DYNLT2: variants seen among roughly 807,000 people sequenced by gnomAD.
DYNLT2 encodes the protein dynein light chain Tctex-type protein 2.
A neutral mutation model predicts 24.3 loss-of-function variants in DYNLT2; 24 were observed. The observed-to-expected ratio is 0.99, with a 90% CI of 0.71 to 1.39. The LOEUF (loss-of-function observed/expected upper bound fraction) is 1.39. Ranked by LOEUF, DYNLT2 falls within the 40% of genes most tolerant of loss-of-function variation. The pLI, the probability that DYNLT2 is intolerant of heterozygous loss-of-function variation, is 0.00. For missense variants in DYNLT2, 246 were observed against 234.5 expected, an observed-to-expected ratio of 1.05 and a Z score of -0.32; for synonymous variants, 85 against 85.4, an observed-to-expected ratio of 1.00 and a Z score of 0.03.
intron 2 of DYNLT2, among the ~76,000 whole-genome samples, chr6:169,743,684 G>C (rs545705620): frequency 6.6e-6 from 1 of 152,250 alleles, no homozygotes; most frequent in African/African-American, 2.4e-5. Flanking sequence ...CTGCTCAGTG[G>C]GCTCATATTA....
the DYNLT2 span, among the ~76,000 whole-genome samples, chr6:169,733,417 G>T: frequency 1.3e-5 from 2 of 152,000 alleles, no homozygotes; most frequent in Non-Finnish European, 2.9e-5. Context: ...TTATGGTTTT[G>T]GGTTTTACAT....
At chr6:169,730,041 A>G in the DYNLT2 span, among the ~76,000 whole-genome samples, 1 of 152,256 alleles carries the variant, frequency 6.6e-6, no homozygotes, top group South Asian at 2.1e-4. Flanking sequence ...TCTTTATGCA[A>G]TTCCTCACAT....
At chr6:169,743,315 G>A in intron 2 of DYNLT2, 77 bp from the exon 3 acceptor site, 1 of 778,866 alleles carries the variant, frequency 1.3e-6, no homozygotes. Context: ...TAGAAAACAT[G>A]TCTAAATAAT....
Position 169,751,501 on chromosome 6 carries a change from C to T in DYNLT2, c.-43G>A, listed in dbSNP as rs1371020823. 2.5e-6 allele frequency: 4 copies of T among 1,611,148 alleles called. No homozygotes were observed. The highest frequency in any genetic ancestry group is 2.5e-6 in the Non-Finnish European group (3 of 1,178,712). The stretch of plus-strand genomic sequence containing the variant: ...GACGCCCACCGCCTCCCCTTCACCG[C>T]CGGCGGTCAAACGCCCTAGCCAGTC... On this transcript the variant is annotated 5_prime_UTR_variant, in exon 1 of 4. Transcript: ENST00000366774.
At chr6:169,728,086 C>A in the DYNLT2 span, among the ~76,000 whole-genome samples, 1 of 152,090 alleles carries the variant, frequency 6.6e-6, no homozygotes, top group Non-Finnish European at 1.5e-5. Flanking sequence ...GTCAGGTTCT[C>A]AGTCAAGTTT....
chr6:169,725,655 C>CA, the DYNLT2 span: 28 of 201,758 alleles, frequency 1.4e-4, no homozygotes, highest in South Asian at 3.9e-4. Flanking sequence ...AGAAAAAAAA[C>CA]AAAAACAAAA....
the DYNLT2 span, among the ~76,000 whole-genome samples, chr6:169,734,390 T>G: frequency 6.6e-6 from 1 of 152,242 alleles, no homozygotes; most frequent in Admixed American, 6.5e-5. Flanking sequence ...TTCCAGCTTT[T>G]GCCCATTCAA....
At chr6:169,745,034 T>C (rs1245260242) in intron 1 of DYNLT2, among the ~76,000 whole-genome samples, 2 of 152,120 alleles carry the variant, frequency 1.3e-5, no homozygotes, top group Non-Finnish European at 2.9e-5. Flanking sequence ...TTGTTACTAA[T>C]ATTACAGGAA....
intron 1 of DYNLT2, among the ~76,000 whole-genome samples, chr6:169,747,997 A>AT (rs1442271621): frequency 1.3e-5 from 2 of 152,058 alleles, no homozygotes; most frequent in African/African-American, 4.8e-5. Flanking sequence ...CTTGTTCTCT[A>AT]TTTTTTCCCA....
At chr6:169,727,623 G>T in the DYNLT2 span, among the ~76,000 whole-genome samples, 1 of 152,034 alleles carries the variant, frequency 6.6e-6, no homozygotes, top group Non-Finnish European at 1.5e-5. Flanking sequence ...GAGTGCAGTG[G>T]CCTGATCTCG....
the DYNLT2 span, among the ~76,000 whole-genome samples, chr6:169,728,764 A>G: frequency 6.6e-6 from 1 of 152,242 alleles, no homozygotes; most frequent in African/African-American, 2.4e-5. Flanking sequence ...AAACAAAACA[A>G]CTTACCAATA....
Position 169,740,165 on chromosome 6 carries a change from TCCTTAGTACCTGTA to T in DYNLT2, c.*6_*19del, listed in dbSNP as rs779210558. The T allele has an allele frequency of 2.0e-6, 3 of 1,476,984 alleles. No homozygotes were observed. The highest frequency in any genetic ancestry group is 2.8e-6 in the Non-Finnish European group (3 of 1,061,648). The allele number at this position is 1,476,984 out of a possible 1,614,324, so 91.5% of individuals were successfully genotyped here. A position where few individuals can be genotyped will look rare whatever the true frequency, so the allele number is the denominator to read the frequency against. ...TTTTGAAAAGTTCGGAAGTAAACAA[TCCTTAGTACCTGTA>T]ATGAGCTATTCATAATAAAGGGCAA... is the stretch of plus-strand genomic sequence containing the variant. On this transcript the variant is annotated 3_prime_UTR_variant, in exon 4 of 4. Coordinates refer to ENST00000366774, the MANE Select transcript of DYNLT2 (RefSeq NM_174910.3).
intron 1 of DYNLT2, among the ~76,000 whole-genome samples, chr6:169,746,986 C>T (rs1055157343): frequency 2.7e-5 from 4 of 149,568 alleles, no homozygotes; most frequent in African/African-American, 9.8e-5. Flanking sequence ...CCTGTGACCT[C>T]ACTTTTTTCA....
At chr6:169,725,628 T>C in the DYNLT2 span, 3 of 275,094 alleles carry the variant, frequency 1.1e-5, no homozygotes, top group African/African-American at 2.3e-5. Context: ...GGGTAGAGTT[T>C]AGCGGTTTTT....
chr6:169,744,762 A>G (rs114622322), intron 1 of DYNLT2, among the ~76,000 whole-genome samples: 1,642 of 152,328 alleles, frequency 0.011, 15 homozygotes, highest in African/African-American at 0.023. Context: ...CTTAAGGTGA[A>G]AAGACACCAA....
downstream of DYNLT2, among the ~76,000 whole-genome samples, chr6:169,737,073 ACT>A (rs1337147870): frequency 6.6e-6 from 1 of 151,866 alleles, no homozygotes; most frequent in Non-Finnish European, 1.5e-5. Context: ...TGGTCTTCAA[ACT>A]CTGATATCCT....
chr6:169,725,396 G>T, the DYNLT2 span: 1 of 398,006 alleles, frequency 2.5e-6, no homozygotes, highest in Non-Finnish European at 4.4e-6. Context: ...ACGTTAACAC[G>T]CTCAGTCCAG....
At position 169,751,543 on chromosome 6, in the gene DYNLT2, C is replaced by G; in HGVS notation, c.-85G>C. 4 of 1,610,578 alleles carry G rather than the reference C, an allele frequency of 2.5e-6. 1 individual carries two copies. The highest frequency in any genetic ancestry group is 1.7e-4 in the Middle Eastern group (1 of 6,026). ...TAGCCAGTCCCGCGAGGGCGGAAGTCTCCCACCTGCGCCTCGTACGGTAGG... is the reference window on the plus strand; with the variant it reads ...TAGCCAGTCCCGCGAGGGCGGAAGTGTCCCACCTGCGCCTCGTACGGTAGG... On this transcript the variant is annotated 5_prime_UTR_variant, in exon 1 of 4. Transcript: ENST00000366774.
At chr6:169,746,993 T>C (rs1789822683) in intron 1 of DYNLT2, among the ~76,000 whole-genome samples, 1 of 150,442 alleles carries the variant, frequency 6.6e-6, no homozygotes, top group East Asian at 2.1e-4. Context: ...CCTCACTTTT[T>C]TCAGTTTGTT....
Sources: gnomAD v4.1 joint callset for allele counts (sites outside exome capture counted in the v4.1 genomes callset) on GRCh38, gnomAD v4.1.1 for gene constraint, MANE v1.5 for transcripts, NCBI Gene and HGNC (gene_info 2026-07-23, HGNC 2026-07-21) for gene names.